The following ADAMTSL1 variants were observed in gnomAD, a reference collection of about 807,000 sequenced individuals.
ADAMTSL1 encodes the protein ADAMTS-like protein 1.
In ADAMTSL1, 126 loss-of-function variants were observed where a neutral mutation model predicts 201.8. The ratio of observed to expected loss-of-function variants is 0.62; its 90% confidence interval spans 0.54 to 0.72. ADAMTSL1 has a LOEUF of 0.72. Among genes scored for constraint, ADAMTSL1 ranks in the 30% least tolerant of loss-of-function variants. The pLI is 0.00. For synonymous variants in ADAMTSL1, 1,121 were observed against 903.4 expected, an observed-to-expected ratio of 1.24 and a Z score of -4.32; for missense variants, 2,679 against 2,277.8, an observed-to-expected ratio of 1.18 and a Z score of -3.59.
intron 7 of ADAMTSL1, among the ~76,000 whole-genome samples, chr9:18,639,665 C>A (rs373682972): frequency 6.6e-6 from 1 of 151,976 alleles, no homozygotes; most frequent in African/African-American, 2.4e-5. Flanking sequence ...AAAATAACCC[C>A]ACCTAAGAGG....
chr9:18,820,712 C>T (rs576573387), intron 21 of ADAMTSL1, among the ~76,000 whole-genome samples: 1 of 152,352 alleles, frequency 6.6e-6, no homozygotes, highest in East Asian at 1.9e-4. Flanking sequence ...TGCAGCCTCA[C>T]ATTCTTCCCA....
intron 4 of ADAMTSL1, among the ~76,000 whole-genome samples, chr9:18,591,217 T>C (rs972610248): frequency 1.3e-5 from 2 of 152,202 alleles, no homozygotes; most frequent in Admixed American, 6.5e-5. Flanking sequence ...TGGGTGCATA[T>C]ATATTTACTA....
chr9:18,906,713 C>T lies in ADAMTSL1; in HGVS notation c.4983C>T (p.Cys1661=). ...ALPRPVSTQN[C]WSEACSVHWR... ...GCAGGCCTGTGAGCACCCAGAACTG[C>T]TGGTCAGAGGCCTGCAGTGTACACT... Residue 1661 remains cysteine (C), a synonymous_variant, in exon 28 of 29, where the codon TGC becomes TGT. Transcript: ENST00000380548. 6.2e-7 allele frequency: 1 copy of T among 1,605,538 alleles called. No individual in the cohort carries two copies. Among genetic ancestry groups the T allele is most frequent in the Non-Finnish European group, 8.5e-7 (1 of 1,175,682 alleles).
intron 1 of ADAMTSL1, among the ~76,000 whole-genome samples, chr9:17,935,651 T>A (rs1386944524): frequency 1.3e-5 from 2 of 152,174 alleles, no homozygotes; most frequent in Non-Finnish European, 2.9e-5. Flanking sequence ...ACGTAGTTGT[T>A]CTTGACTCCT....
At chr9:18,556,413 T>C (rs1270761722) in intron 3 of ADAMTSL1, among the ~76,000 whole-genome samples, 1 of 152,052 alleles carries the variant, frequency 6.6e-6, no homozygotes, top group African/African-American at 2.4e-5. Flanking sequence ...TTATTAATCA[T>C]GCAAATCTTA....
chr9:18,230,550 A>C (rs1830610280), intron 2 of ADAMTSL1, among the ~76,000 whole-genome samples: 1 of 152,126 alleles, frequency 6.6e-6, no homozygotes, highest in African/African-American at 2.4e-5. Context: ...ATGGCTGCCT[A>C]ATAAATAAAT....
intron 25 of ADAMTSL1, among the ~76,000 whole-genome samples, chr9:18,891,657 C>T (rs895967629): frequency 2.6e-5 from 4 of 152,188 alleles, no homozygotes; most frequent in Admixed American, 6.5e-5. Flanking sequence ...GACTGTCACG[C>T]GGTCACGCCA....
intron 1 of ADAMTSL1, among the ~76,000 whole-genome samples, chr9:18,008,725 A>G (rs140847703): frequency 1.3e-5 from 2 of 151,976 alleles, no homozygotes; most frequent in African/African-American, 4.8e-5. Context: ...CCTAGAAGTG[A>G]CACTTGCTTA....
intron 24 of ADAMTSL1, among the ~76,000 whole-genome samples, chr9:18,888,260 C>T (rs1256139922): frequency 6.6e-6 from 1 of 152,186 alleles, no homozygotes; most frequent in African/African-American, 2.4e-5. Flanking sequence ...CCTGGAAAAG[C>T]CAGTGCTGCC....
At chr9:18,437,798 C>T (rs1221633247) in intron 2 of ADAMTSL1, among the ~76,000 whole-genome samples, 2 of 152,196 alleles carry the variant, frequency 1.3e-5, no homozygotes, top group African/African-American at 4.8e-5. Context: ...ACCTTTTGAG[C>T]TTCCCAGCTT....
intron 1 of ADAMTSL1, among the ~76,000 whole-genome samples, chr9:18,027,145 G>A (rs1168674769): frequency 6.7e-6 from 1 of 148,884 alleles, no homozygotes; most frequent in African/African-American, 2.5e-5. Context: ...TGAACTTGTT[G>A]ATCCTTTCAT....
intron 23 of ADAMTSL1, among the ~76,000 whole-genome samples, chr9:18,863,881 T>G (rs934213661): frequency 2.0e-5 from 3 of 152,140 alleles, no homozygotes; most frequent in African/African-American, 7.2e-5. Flanking sequence ...TTTCCAGTTT[T>G]GGAAAATTAA....
intron 2 of ADAMTSL1, among the ~76,000 whole-genome samples, chr9:18,419,077 T>C (rs1042693027): frequency 6.6e-6 from 1 of 152,172 alleles, no homozygotes; most frequent in Non-Finnish European, 1.5e-5. Context: ...GCGTAGCAAC[T>C]CAATTGAGAA....
intron 2 of ADAMTSL1, among the ~76,000 whole-genome samples, chr9:18,451,979 C>G (rs1432310345): frequency 6.6e-6 from 1 of 152,202 alleles, no homozygotes; most frequent in Non-Finnish European, 1.5e-5. Context: ...GGCACAATCT[C>G]AGCTCACCAC....
intron 4 of ADAMTSL1, among the ~76,000 whole-genome samples, chr9:18,594,547 G>A (rs1295586057): frequency 3.9e-5 from 6 of 152,172 alleles, no homozygotes; most frequent in East Asian, 1.9e-4. Context: ...TTTTCAAAGA[G>A]TCTGTCTTCA....
At chr9:18,306,823 A>C (rs1443748853) in intron 2 of ADAMTSL1, among the ~76,000 whole-genome samples, 1 of 152,206 alleles carries the variant, frequency 6.6e-6, no homozygotes, top group Non-Finnish European at 1.5e-5. Flanking sequence ...GCCAACATTC[A>C]AATTCAGGAA....
rs1293233627 is a variant in ADAMTSL1 at position 18,887,922 on chromosome 9, C to G, written c.4341C>G (p.Ile1447Met). 3 of 1,614,014 alleles carry G rather than the reference C, an allele frequency of 1.9e-6. No homozygotes were observed. The South Asian group carries it at 3.3e-5, about 18-fold the overall frequency. ...IVTATGLTHH[I>M]LAAGQILQVA... The stretch of plus-strand genomic sequence containing the variant: ...CTGCCACAGGACTGACGCATCACAT[C>G]TTGGCAGCTGGACAGATCCTTCAAG... The change falls in exon 24 of 29, where the codon ATC (isoleucine) becomes ATG (methionine). Residue 1447 changes from isoleucine to methionine, a missense_variant. Transcript: ENST00000380548.
intron 2 of ADAMTSL1, among the ~76,000 whole-genome samples, chr9:18,358,370 G>C (rs565720983): frequency 1.1e-3 from 173 of 152,178 alleles, no homozygotes; most frequent in African/African-American, 4.0e-3. Context: ...TTTTTTTATA[G>C]AGATAAAATC....
intron 1 of ADAMTSL1, among the ~76,000 whole-genome samples, chr9:17,946,964 A>G (rs1217110864): frequency 3.9e-5 from 6 of 152,114 alleles, no homozygotes; most frequent in African/African-American, 1.4e-4. Flanking sequence ...ATAGGACACT[A>G]GGGTTGATTT....
Sources: allele counts gnomAD v4.1 joint callset (sites outside exome capture counted in the v4.1 genomes callset), GRCh38; gene constraint gnomAD v4.1.1; transcripts MANE v1.5; gene names NCBI Gene and HGNC (gene_info 2026-07-23, HGNC 2026-07-21).